The following PXDN variants were observed in gnomAD, a reference collection of about 807,000 sequenced individuals.
The protein encoded by PXDN is peroxidasin, also known as peroxidasin homolog.
Under a neutral mutation model 140.3 loss-of-function variants are expected in PXDN, and 77 were observed. The observed-to-expected ratio is 0.55, with a 90% confidence interval of 0.46 to 0.66. PXDN has a LOEUF of 0.66. PXDN is among the 30% of genes least tolerant of loss of function. The pLI is 0.00. For missense variants in PXDN, 1,838 were observed against 2,039.5 expected (o/e 0.90, Z 1.90); for synonymous variants, 911 against 857.4 (o/e 1.06, Z -1.09).
intron 11 of PXDN, 131 bp downstream of exon 11, chr2:1,664,827 G>T: frequency 3.8e-6 from 3 of 784,262 alleles, no homozygotes; most frequent in Non-Finnish European, 4.0e-6. Context: ...CCAGTGCCTT[G>T]GTCCTGTGGA....
In PXDN at chr2:1,648,926, C is replaced by T; in HGVS notation, c.2854G>A (p.Ala952Thr). 5 of 1,603,462 alleles carry T rather than the reference C, an allele frequency of 3.1e-6. No homozygotes were observed. Among genetic ancestry groups the T allele is most frequent in the Non-Finnish European group, 2.6e-6 (3 of 1,175,548 alleles). The change falls in exon 17 of 23, where the codon GCC becomes ACC. Residue 952 changes from alanine to threonine, a missense_variant. Ala to Thr is a moderately conservative substitution (Grantham distance 58, BLOSUM62 0). Transcript: ENST00000252804. The surrounding 1 kb of genome is among the most constrained non-coding windows in gnomAD (Gnocchi z 8.9). ...ATGCACTCCGTGGGCGGCCCGGTGGCGAAGGGGAGCAGCGGCTTCCCGGAC... is the reference window on the plus strand; with the variant it reads ...ATGCACTCCGTGGGCGGCCCGGTGGTGAAGGGGAGCAGCGGCTTCCCGGAC... ...QRSGKPLLPF[A>T]TGPPTECMRD...
In PXDN at chr2:1,703,220, AG is replaced by A. The variant is rs1191722867; in HGVS notation, c.201-10087del. Among the ~76,000 whole-genome samples, 72 of 22,122 alleles carry A rather than the reference AG, an allele frequency of 3.3e-3. 19 individuals carry two copies. Among genetic ancestry groups the A allele is most frequent in the African/African-American group, 0.018 (63 of 3,528 alleles). The allele number at this position is 22,122 out of a possible 152,430, so 14.5% of individuals were successfully genotyped here. ...GTGAAAGAGGGACAACTCCAGGTGA[AG>A]GGGGGGGCAACTCCTGGTGAAGGGG... On this transcript the variant is annotated intron_variant, in intron 1 of 22. Coordinates refer to ENST00000252804, the MANE Select transcript of PXDN (RefSeq NM_012293.3).
chr2:1,657,968 C>T (rs950198861), intron 14 of PXDN, among the ~76,000 whole-genome samples: 5 of 149,616 alleles, frequency 3.3e-5, no homozygotes, highest in African/African-American at 1.2e-4. Flanking sequence ...GACTTGCCCC[C>T]TCACTGTGAT....
In PXDN at chr2:1,662,066, G is replaced by A. The variant is rs930569592; in HGVS notation, c.1680+6C>T. On this transcript the variant is annotated splice_donor_region_variant and intron_variant, in intron 13 of 22. Transcript: ENST00000252804. ...TGGTGGCTGGCTCGGGCACCAGACC[G>A]CCTACCTTGTTCCAGGTGATGGCTG... The A allele has an allele frequency of 2.4e-5, 38 of 1,579,948 alleles. No homozygotes were observed. The highest frequency in any genetic ancestry group is 9.2e-5 in the East Asian group (4 of 43,266).
intron 1 of PXDN, among the ~76,000 whole-genome samples, chr2:1,701,939 G>T (rs1056054592): frequency 6.6e-6 from 1 of 152,130 alleles, no homozygotes; most frequent in Non-Finnish European, 1.5e-5. Context: ...CAATTGGCTG[G>T]TGCTTGATCT....
chr2:1,735,262 ACC>A (rs926498276), intron 1 of PXDN, among the ~76,000 whole-genome samples: 2 of 151,814 alleles, frequency 1.3e-5, no homozygotes, highest in African/African-American at 2.4e-5. Flanking sequence ...TGATGTTTTG[ACC>A]CCCCCATGAA....
At chr2:1,655,009 A>T (rs4853850) in intron 14 of PXDN, among the ~76,000 whole-genome samples, 1 of 151,976 alleles carries the variant, frequency 6.6e-6, no homozygotes, top group African/African-American at 2.4e-5. Flanking sequence ...TTACACAGGG[A>T]AACTCCCTCC....
Position 1,649,549 on chromosome 2 carries a change from T to A in PXDN, c.2231A>T (p.His744Leu). The A allele has an allele frequency of 6.2e-7, 1 of 1,614,030 alleles. No homozygotes were observed. Among genetic ancestry groups the A allele is most frequent in the South Asian group, 1.1e-5 (1 of 91,084 alleles). Reference sequence around the variant, plus strand: ...CTGCAGGTTGTTACAGGTGCCGTCGTGCGTCCGGTACTTCTGGTGGAAGCA... The same window carrying A: ...CTGCAGGTTGTTACAGGTGCCGTCGAGCGTCCGGTACTTCTGGTGGAAGCA... ...DMCFHQKYRTHDGTCNNLQHP... is the reference protein window; with the variant it reads ...DMCFHQKYRTLDGTCNNLQHP... The change falls in exon 17 of 23, where the codon CAC (histidine) becomes CTC (leucine). Residue 744 changes from histidine to leucine, a missense_variant. Transcript: ENST00000252804. The surrounding 1 kb of genome is among the most constrained non-coding windows in gnomAD (Gnocchi z 7.1).
At chr2:1,736,869 T>C (rs1242531885) in intron 1 of PXDN, among the ~76,000 whole-genome samples, 1 of 152,192 alleles carries the variant, frequency 6.6e-6, no homozygotes, top group Non-Finnish European at 1.5e-5. Context: ...TGTTATCTCA[T>C]GTGGACAAAG....
intron 7 of PXDN, among the ~76,000 whole-genome samples, chr2:1,677,869 C>T (rs1683762955): frequency 6.6e-6 from 1 of 152,378 alleles, no homozygotes; most frequent in African/African-American, 2.4e-5. Flanking sequence ...CACAACCACA[C>T]ACAGGTGTGT....
At position 1,643,541 on chromosome 2, in the gene PXDN, G is replaced by T. The variant is rs1558485527; in HGVS notation, c.3779C>A (p.Ala1260Asp). ...CGTCTGCTTGATCTGAGTCAGCTGG[G>T]CCGGGGAGAACACCCCAGGGTTCTC... ...WYENPGVFSP[A>D]QLTQIKQTSL... Residue 1260 changes from alanine to aspartate, a missense_variant, in exon 19 of 23, where the codon GCC becomes GAC. By Grantham distance (126) the Ala-to-Asp change is moderately radical. Around this residue, in one of 5 missense-constraint regions of PXDN, gnomAD observed 850 missense variants for 894.1 expected, o/e 0.95. Coordinates refer to ENST00000252804, the MANE Select transcript of PXDN (RefSeq NM_012293.3). 6.2e-7 allele frequency: 1 copy of T among 1,613,926 alleles called. No individual in the cohort carries two copies. Among genetic ancestry groups the T allele is most frequent in the East Asian group, 2.2e-5 (1 of 44,856 alleles).
chr2:1,674,554 G>A (rs1245062342), intron 8 of PXDN, among the ~76,000 whole-genome samples: 6 of 152,212 alleles, frequency 3.9e-5, no homozygotes, highest in South Asian at 2.1e-4. Context: ...CACACACTTC[G>A]GGCAGCCAAG....
intron 6 of PXDN, among the ~76,000 whole-genome samples, chr2:1,683,398 A>G (rs993555203): frequency 3.8e-5 from 3 of 78,586 alleles, no homozygotes; most frequent in African/African-American, 7.7e-5. Context: ...CCTGGGCAAC[A>G]GAGCAAGACC....
intron 6 of PXDN, among the ~76,000 whole-genome samples, chr2:1,681,505 A>T (rs1164115010): frequency 6.6e-6 from 1 of 150,586 alleles, no homozygotes; most frequent in East Asian, 2.0e-4. Flanking sequence ...TGGGATCCCG[A>T]GAGGTGCTCA....
At chr2:1,701,637 C>T (rs1684433181) in intron 1 of PXDN, among the ~76,000 whole-genome samples, 1 of 152,006 alleles carries the variant, frequency 6.6e-6, no homozygotes, top group Non-Finnish European at 1.5e-5. Flanking sequence ...AGGATGGGGT[C>T]AGGGGTGTCC....
At chr2:1,726,129 G>A (rs1391401900) in intron 1 of PXDN, among the ~76,000 whole-genome samples, 7 of 152,000 alleles carry the variant, frequency 4.6e-5, no homozygotes, top group African/African-American at 7.3e-5. Flanking sequence ...ACATACACAC[G>A]TATGTTTATT....
intron 1 of PXDN, among the ~76,000 whole-genome samples, chr2:1,720,724 T>TCACA (rs1221326586): frequency 6.7e-3 from 190 of 28,152 alleles, no homozygotes; most frequent in East Asian, 0.054. Context: ...TCTCTCTCTC[T>TCACA]CACACACACA....
At chr2:1,729,453 A>C (rs1685262956) in intron 1 of PXDN, among the ~76,000 whole-genome samples, 1 of 152,158 alleles carries the variant, frequency 6.6e-6, no homozygotes, top group South Asian at 2.1e-4. Flanking sequence ...ATCCATCCGC[A>C]GGATAATATG....
intron 1 of PXDN, among the ~76,000 whole-genome samples, chr2:1,730,058 C>T (rs1326566792): frequency 6.6e-6 from 1 of 152,150 alleles, no homozygotes; most frequent in Non-Finnish European, 1.5e-5. Context: ...AACAGGTAGA[C>T]AAATACTGCT....
Sources: allele counts gnomAD v4.1 joint callset (sites outside exome capture counted in the v4.1 genomes callset), GRCh38; gene constraint gnomAD v4.1.1; regional missense constraint gnomAD v4.1.1; non-coding constraint Gnocchi (gnomAD v3.1); transcripts MANE v1.5; gene names NCBI Gene and HGNC (gene_info 2026-07-23, HGNC 2026-07-21).